The following UNC13C variants were observed in gnomAD, a reference collection of about 807,000 sequenced individuals.
UNC13C encodes the protein unc-13 homolog C.
A neutral mutation model predicts 245.4 loss-of-function variants in UNC13C; 174 were observed. The ratio of observed to expected loss-of-function variants is 0.71; its 90% CI spans 0.63 to 0.80. The LOEUF (loss-of-function observed/expected upper bound fraction) is 0.80. Among genes scored for constraint, UNC13C ranks in the 30% least tolerant of loss-of-function variants. UNC13C has a pLI of 0.00. For missense variants in UNC13C, 2,829 were observed against 2,602.9 expected (o/e 1.09, Z -1.89); for synonymous variants, 992 against 895.1 (o/e 1.11, Z -1.93).
At chr15:54,405,648 C>T (rs865946407) in intron 18 of UNC13C, among the ~76,000 whole-genome samples, 26 of 152,146 alleles carry the variant, frequency 1.7e-4, no homozygotes, top group Middle Eastern at 3.4e-3. Flanking sequence ...AAATTAGAAA[C>T]GTAAAATGTA....
intron 17 of UNC13C, among the ~76,000 whole-genome samples, chr15:54,348,477 G>A (rs766683785): frequency 7.9e-5 from 12 of 152,072 alleles, no homozygotes; most frequent in Admixed American, 1.3e-4. Context: ...ATCAATTAAT[G>A]CTTACTAAAT....
At chr15:54,474,056 T>A (rs1892600224) in intron 19 of UNC13C, among the ~76,000 whole-genome samples, 1 of 152,034 alleles carries the variant, frequency 6.6e-6, no homozygotes, top group Non-Finnish European at 1.5e-5. Flanking sequence ...TTACTGCATT[T>A]TTTAATCCAT....
intron 30 of UNC13C, among the ~76,000 whole-genome samples, chr15:54,582,485 A>T (rs1421200979): frequency 6.6e-6 from 1 of 152,220 alleles, no homozygotes. Context: ...CAGCCTTTGC[A>T]AGTTCTGAGG....
intron 2 of UNC13C, among the ~76,000 whole-genome samples, chr15:54,047,391 C>T (rs561660353): frequency 1.9e-4 from 29 of 152,010 alleles, no homozygotes; most frequent in Admixed American, 1.4e-3. Flanking sequence ...GCTATGTACC[C>T]GTTAATCAAT....
chr15:53,856,198 A>G, the UNC13C span, among the ~76,000 whole-genome samples: 3 of 151,946 alleles, frequency 2.0e-5, no homozygotes, highest in African/African-American at 7.2e-5. Flanking sequence ...TTGTTAGTCT[A>G]GCCAGTGGTC....
At chr15:54,163,675 A>G (rs1211110204) in intron 4 of UNC13C, among the ~76,000 whole-genome samples, 1 of 152,196 alleles carries the variant, frequency 6.6e-6, no homozygotes, top group East Asian at 1.9e-4. Flanking sequence ...ATCTAACAGA[A>G]GTCATTTACC....
intron 14 of UNC13C, among the ~76,000 whole-genome samples, chr15:54,327,564 C>CAGGAA (rs2038329608): frequency 6.6e-6 from 1 of 151,930 alleles, no homozygotes; most frequent in African/African-American, 2.4e-5. Context: ...CAAAGTTAAA[C>CAGGAA]AGGCAAGGCA....
At chr15:54,320,226 T>A (rs1336219434) in intron 13 of UNC13C, among the ~76,000 whole-genome samples, 1 of 151,968 alleles carries the variant, frequency 6.6e-6, no homozygotes, top group East Asian at 1.9e-4. Flanking sequence ...GGTGAAAATA[T>A]GACATTTCAG....
Position 54,223,108 on chromosome 15 carries a change from A to C in UNC13C, c.3072-11922A>C, listed in dbSNP as rs566086357. On this transcript the variant is annotated intron_variant, in intron 4 of 32. Transcript: ENST00000260323. ...AAGCTTTTAAAGTTGATGTGATCCC[A>C]TTTGTCCATTTTTGCTTTGGTTGCC... Among the ~76,000 whole-genome samples the C allele has an allele frequency of 8.5e-5, 13 of 152,120 alleles. No homozygotes were observed. In the East Asian group the frequency reaches 2.3e-3, roughly 27 times the overall value.
intron 17 of UNC13C, among the ~76,000 whole-genome samples, chr15:54,375,538 C>T (rs1387022238): frequency 6.6e-6 from 1 of 152,150 alleles, no homozygotes; most frequent in African/African-American, 2.4e-5. Flanking sequence ...AGGATTTTTA[C>T]AGATGTAATT....
intron 20 of UNC13C, 26 bp downstream of exon 20, chr15:54,494,760 C>A (rs760094619): frequency 6.2e-7 from 1 of 1,601,048 alleles, no homozygotes; most frequent in Non-Finnish European, 8.5e-7. Flanking sequence ...AACACACACA[C>A]CCTCAGATCT....
intron 25 of UNC13C, among the ~76,000 whole-genome samples, chr15:54,528,612 A>T (rs1236385350): frequency 6.6e-6 from 1 of 151,756 alleles, no homozygotes; most frequent in Non-Finnish European, 1.5e-5. Context: ...TAACTGTCAC[A>T]CCCCTTGTCC....
At chr15:53,924,584 A>G in the UNC13C span, among the ~76,000 whole-genome samples, 2 of 152,232 alleles carry the variant, frequency 1.3e-5, no homozygotes, top group Non-Finnish European at 2.9e-5. Flanking sequence ...GTTTTGTGTA[A>G]TAACAACAAT....
chr15:54,463,814 T>C (rs746797627), intron 19 of UNC13C, among the ~76,000 whole-genome samples: 1 of 152,116 alleles, frequency 6.6e-6, no homozygotes, highest in Non-Finnish European at 1.5e-5. Context: ...AAAGGCAGAA[T>C]TCTTGAAATT....
chr15:54,098,108 C>A (rs1899968742), intron 2 of UNC13C, among the ~76,000 whole-genome samples: 1 of 152,172 alleles, frequency 6.6e-6, no homozygotes, highest in Non-Finnish European at 1.5e-5. Context: ...ACAGGCCATT[C>A]TGGGGATGGG....
At chr15:54,479,009 T>C (rs1017406828) in intron 19 of UNC13C, among the ~76,000 whole-genome samples, 2 of 152,144 alleles carry the variant, frequency 1.3e-5, no homozygotes, top group African/African-American at 4.8e-5. Flanking sequence ...ATTGGGTGCA[T>C]ATATATGGGA....
chr15:53,939,399 A>G, the UNC13C span, among the ~76,000 whole-genome samples: 1 of 152,164 alleles, frequency 6.6e-6, no homozygotes, highest in Non-Finnish European at 1.5e-5. Context: ...GCTGAATTCT[A>G]CCAGAGGTAC....
intron 4 of UNC13C, among the ~76,000 whole-genome samples, chr15:54,183,315 C>T (rs1012139405): frequency 2.7e-5 from 4 of 150,830 alleles, no homozygotes; most frequent in African/African-American, 9.8e-5. Flanking sequence ...TTGGAAAATG[C>T]TGGCACAATA....
intron 2 of UNC13C, among the ~76,000 whole-genome samples, chr15:54,133,095 T>C (rs1312743444): frequency 6.6e-6 from 1 of 152,228 alleles, no homozygotes; most frequent in Non-Finnish European, 1.5e-5. Flanking sequence ...AACTGGTGAA[T>C]AAACATTCCT....
Sources: gnomAD v4.1 joint callset for allele counts (sites outside exome capture counted in the v4.1 genomes callset) on GRCh38, gnomAD v4.1.1 for gene constraint, MANE v1.5 for transcripts, NCBI Gene and HGNC (gene_info 2026-07-23, HGNC 2026-07-21) for gene names.